RIC1: variants seen among roughly 807,000 people sequenced by gnomAD.
The protein encoded by RIC1 is guanine nucleotide exchange factor subunit RIC1.
Under a neutral mutation model 169.0 loss-of-function variants are expected in RIC1, and 88 were observed. The ratio of observed to expected loss-of-function variants is 0.52; its 90% CI spans 0.44 to 0.62. RIC1 has a LOEUF of 0.62. RIC1 is among the 20% of genes least tolerant of loss of function. The pLI, the probability that RIC1 is intolerant of heterozygous loss-of-function variation, is 0.00. For synonymous variants in RIC1, 790 were observed against 601.5 expected, an observed-to-expected ratio of 1.31 and a Z score of -4.59; for missense variants, 1,877 against 1,725.5, an observed-to-expected ratio of 1.09 and a Z score of -1.56.
intron 1 of RIC1, among the ~76,000 whole-genome samples, chr9:5,652,377 C>T (rs992289508): frequency 2.6e-5 from 4 of 152,086 alleles, no homozygotes; most frequent in Non-Finnish European, 4.4e-5. Context: ...GTGTTTTCTT[C>T]ATTTTATTAC....
At position 5,774,074 on chromosome 9, in the gene RIC1, C is replaced by A. The variant is rs779971821; in HGVS notation, c.4100C>A (p.Pro1367Gln). ...AFQPITMGKT[P>Q]EQTSPRAEES... The stretch of plus-strand genomic sequence containing the variant: ...CAACCAATAACTATGGGTAAGACTC[C>A]AGAACAGACTAGCCCCCGGGCAGAG... The change falls in exon 26 of 26, where the codon CCA (proline) becomes CAA (glutamine). Residue 1367 changes from proline (P) to glutamine (Q), a missense_variant. Physicochemically the swap from Pro to Gln is moderately conservative, Grantham distance 76. This residue lies in a region of RIC1 where 681 missense variants were observed against 582.0 expected (regional missense o/e 1.17). Transcript: ENST00000414202. The A allele has an allele frequency of 6.2e-7, 1 of 1,614,032 alleles. No homozygotes were observed. The highest frequency in any genetic ancestry group is 8.5e-7 in the Non-Finnish European group (1 of 1,179,972).
In RIC1 at chr9:5,754,826, A is replaced by T; in HGVS notation, c.1603-15A>T. 1 of 1,518,644 alleles carries T rather than the reference A, an allele frequency of 6.6e-7. No individual in the cohort carries two copies. Among genetic ancestry groups the T allele is most frequent in the Non-Finnish European group, 8.9e-7 (1 of 1,118,126 alleles). 94.1% of individuals were successfully genotyped at this position (1,518,644 alleles called of 1,614,324 possible). A position where few individuals can be genotyped will look rare whatever the true frequency, so the allele number is the denominator to read the frequency against. On this transcript the variant is annotated splice_polypyrimidine_tract_variant and intron_variant, in intron 14 of 25. Coordinates refer to ENST00000414202, the MANE Select transcript of RIC1 (RefSeq NM_020829.4). ...GTAGCATAAGGTAAATTTTTTAAAAAATTTTTATTTTAAGGAGCAAAATAT... is the reference window on the plus strand; with the variant it reads ...GTAGCATAAGGTAAATTTTTTAAAATATTTTTATTTTAAGGAGCAAAATAT...
chr9:5,704,356 A>T (rs1191353183), intron 3 of RIC1, among the ~76,000 whole-genome samples: 1 of 151,940 alleles, frequency 6.6e-6, no homozygotes, highest in Admixed American at 6.6e-5. Context: ...GACTACAGGC[A>T]TGCACCACCA....
At chr9:5,736,353 A>G (rs1003533444) in intron 7 of RIC1, among the ~76,000 whole-genome samples, 3 of 152,254 alleles carry the variant, frequency 2.0e-5, no homozygotes, top group Admixed American at 1.3e-4. Context: ...ACGGACAAAA[A>G]TATGAAAGAG....
chr9:5,644,854 T>C lies in RIC1; in HGVS notation c.145-11729T>C, dbSNP rs902783212. ...GTGCAAAACTTTGTTCCAAAGTGAC[T>C]GTAGCATTTTACAACCCCACCAATA... On this transcript the variant is annotated intron_variant, in intron 1 of 25. Coordinates refer to ENST00000414202, the MANE Select transcript of RIC1 (RefSeq NM_020829.4). Among the ~76,000 whole-genome samples the C allele has an allele frequency of 5.8e-4, 45 of 77,506 alleles. 1 individual carries two copies. Among genetic ancestry groups the C allele is most frequent in the Middle Eastern group, 6.4e-3 (1 of 156 alleles). The allele number at this position is 77,506 out of a possible 152,430, so 50.8% of individuals were successfully genotyped here.
chr9:5,738,626 T>A, intron 8 of RIC1, 88 bp downstream of exon 8: 1 of 746,972 alleles, frequency 1.3e-6, no homozygotes, highest in African/African-American at 1.9e-5. Context: ...AGTTAAACAA[T>A]ACATGTCATG....
Position 5,772,974 on chromosome 9 carries a change from A to G in RIC1, c.3877A>G (p.Ile1293Val), listed in dbSNP as rs532516779. The change falls in exon 25 of 26, where the codon ATC (isoleucine) becomes GTC (valine). Residue 1293 changes from isoleucine (I) to valine (V), a missense_variant. Transcript: ENST00000414202. Reference sequence around the variant, plus strand: ...CCTGATTCTTAGAGAATCCTCAATAATCAATCAGATTTTGGTTATTACACA... The same window carrying G: ...CCTGATTCTTAGAGAATCCTCAATAGTCAATCAGATTTTGGTTATTACACA... ...IGLILRESSI[I>V]NQILVITQSS... 3.7e-6 allele frequency: 6 copies of G among 1,613,712 alleles called. No homozygotes were observed. Among genetic ancestry groups the G allele is most frequent in the East Asian group, 2.2e-5 (1 of 44,860 alleles).
At position 5,763,083 on chromosome 9, in the gene RIC1, T is replaced by G; in HGVS notation, c.2113-57T>G. 1 of 1,568,188 alleles carries G rather than the reference T, an allele frequency of 6.4e-7. No homozygotes were observed. Among genetic ancestry groups the G allele is most frequent in the Admixed American group, 1.8e-5 (1 of 54,126 alleles). ...ACTTAGTAAACTAGTACCTAGGAACTTAAGAACCTGCAGATTTAATAGGAA... is the reference window on the plus strand; with the variant it reads ...ACTTAGTAAACTAGTACCTAGGAACGTAAGAACCTGCAGATTTAATAGGAA... On this transcript the variant is annotated intron_variant, in intron 18 of 25. Transcript: ENST00000414202. The surrounding 1 kb of genome is among the most constrained non-coding windows in gnomAD (Gnocchi z 5.2).
Position 5,699,443 on chromosome 9 carries a change from G to A in RIC1, c.332+9405G>A, listed in dbSNP as rs553502051. On this transcript the variant is annotated intron_variant, in intron 3 of 25. Transcript: ENST00000414202. Reference sequence around the variant, plus strand: ...TCTGAACTGGAATTAGTGGGTAAATGTTTTTATTCATCTTTCTTAAATGTA... The same window carrying A: ...TCTGAACTGGAATTAGTGGGTAAATATTTTTATTCATCTTTCTTAAATGTA... Among the ~76,000 whole-genome samples, 15 of 150,648 alleles carry A rather than the reference G, an allele frequency of 1.0e-4. No homozygotes were observed. The South Asian group carries it at 2.9e-3, about 30-fold the overall frequency.
chr9:5,635,610 T>A (rs1347123372), intron 1 of RIC1, among the ~76,000 whole-genome samples: 1 of 152,224 alleles, frequency 6.6e-6, no homozygotes, highest in Non-Finnish European at 1.5e-5. Flanking sequence ...GAAATCAGGT[T>A]GATATGGTTT....
chr9:5,646,318 C>T lies in RIC1; in HGVS notation c.145-10265C>T, dbSNP rs556242098. ...ATGTATTCTGGGTATAATCCTTTAT[C>T]AGATATGTGGTTTCTAATACAGTTA... On this transcript the variant is annotated intron_variant, in intron 1 of 25. Coordinates refer to ENST00000414202, the MANE Select transcript of RIC1 (RefSeq NM_020829.4). 1.2e-4 allele frequency among the ~76,000 whole-genome samples: 18 copies of T among 152,114 alleles called. No homozygotes were observed. In the South Asian group the frequency reaches 2.3e-3, roughly 19 times the overall value.
chr9:5,694,560 C>G (rs1349003133), intron 3 of RIC1, among the ~76,000 whole-genome samples: 2 of 152,134 alleles, frequency 1.3e-5, no homozygotes, highest in African/African-American at 2.4e-5. Context: ...TTACATGCAT[C>G]CATTACTTCA....
intron 2 of RIC1, among the ~76,000 whole-genome samples, chr9:5,686,516 C>G (rs1821236454): frequency 6.6e-6 from 1 of 151,406 alleles, no homozygotes; most frequent in South Asian, 2.1e-4. Flanking sequence ...TCTCAGTAAA[C>G]TATCACAAGA....
chr9:5,667,492 C>G (rs1322108038), intron 2 of RIC1, among the ~76,000 whole-genome samples: 1 of 149,712 alleles, frequency 6.7e-6, no homozygotes, highest in Non-Finnish European at 1.5e-5. Flanking sequence ...TGAAATGTCC[C>G]TCCACCGCCA....
chr9:5,630,624 T>C (rs1451751961), intron 1 of RIC1, among the ~76,000 whole-genome samples: 1 of 152,184 alleles, frequency 6.6e-6, no homozygotes, highest in Non-Finnish European at 1.5e-5. Flanking sequence ...AATCAGACTA[T>C]TTGCCATCAA....
chr9:5,766,512 C>A (rs1826767419), intron 21 of RIC1, among the ~76,000 whole-genome samples: 2 of 152,172 alleles, frequency 1.3e-5, no homozygotes, highest in Admixed American at 1.3e-4. Context: ...CAGCCTTTCC[C>A]CCAAGTCCCC....
chr9:5,728,944 T>C (rs1001068328), intron 6 of RIC1, among the ~76,000 whole-genome samples: 1 of 152,190 alleles, frequency 6.6e-6, no homozygotes, highest in Non-Finnish European at 1.5e-5. Context: ...TCCTTTACCA[T>C]AGGATGAGCT....
intron 17 of RIC1, among the ~76,000 whole-genome samples, chr9:5,759,087 A>G (rs1563712094): frequency 6.6e-6 from 1 of 152,160 alleles, no homozygotes; most frequent in Non-Finnish European, 1.5e-5. Context: ...CCTTTAAAAT[A>G]TAGTTCCCAT....
At chr9:5,694,651 T>C (rs1821783093) in intron 3 of RIC1, among the ~76,000 whole-genome samples, 1 of 152,216 alleles carries the variant, frequency 6.6e-6, no homozygotes, top group Admixed American at 6.5e-5. Context: ...AACTCCCTTA[T>C]TGGCCACACT....
Sources: gnomAD v4.1 joint callset for allele counts (sites outside exome capture counted in the v4.1 genomes callset) on GRCh38, gnomAD v4.1.1 for gene constraint, gnomAD v4.1.1 regional missense constraint, Gnocchi (gnomAD v3.1) non-coding constraint, MANE v1.5 for transcripts, NCBI Gene and HGNC (gene_info 2026-07-23, HGNC 2026-07-21) for gene names.